The following CLTB variants were observed in gnomAD, a reference collection of about 807,000 sequenced individuals.
CLTB encodes clathrin light chain B, also known as clathrin, light chain (Lcb).
In CLTB, 10 loss-of-function variants were observed where a neutral mutation model predicts 30.5. The ratio of observed to expected loss-of-function variants is 0.33; its 90% CI spans 0.20 to 0.56. The LOEUF (loss-of-function observed/expected upper bound fraction) is 0.56, where lower values mean the gene tolerates loss of function less well. CLTB is among the 20% of genes least tolerant of loss of function. The pLI is 0.91. For missense variants in CLTB, 261 were observed against 308.3 expected (o/e 0.85, Z 1.15); for synonymous variants, 102 against 120.3 (o/e 0.85, Z 1.00).
At position 176,392,908 on chromosome 5, in the gene CLTB, C is replaced by T; in HGVS notation, c.556G>A (p.Glu186Lys). The change falls in exon 6 of 6, where the codon GAG (glutamate) becomes AAG (lysine). Residue 186 changes from glutamate to lysine, a missense_variant. Glu to Lys is a moderately conservative substitution (Grantham distance 56). Around this residue, in one of 3 missense-constraint regions of CLTB, gnomAD observed 123 missense variants for 157.0 expected, o/e 0.78. Coordinates refer to ENST00000310418, the MANE Select transcript of CLTB (RefSeq NM_007097.5). The surrounding 1 kb of genome is among the most constrained non-coding windows in gnomAD (Gnocchi z 5.2). ...TTCTCCCACTCTGTGCCTGGGGTCT[C>T]CTCCTTGGATTCCTTCACGAAAGCC... ...EEAFVKESKE[E>K]TPGTEWEKVA... 2 of 1,614,202 alleles carry T rather than the reference C, an allele frequency of 1.2e-6. No homozygotes were observed. Among genetic ancestry groups the T allele is most frequent in the Non-Finnish European group, 1.7e-6 (2 of 1,180,020 alleles).
intron 2 of CLTB, among the ~76,000 whole-genome samples, chr5:176,403,097 TG>T (rs1478599659): frequency 1.3e-5 from 2 of 150,424 alleles, no homozygotes; most frequent in Non-Finnish European, 3.0e-5. Context: ...TCGCCCAGGC[TG>T]GAGTGCAGTG....
intron 1 of CLTB, among the ~76,000 whole-genome samples, chr5:176,412,168 TC>T (rs1561802036): frequency 7.6e-6 from 1 of 130,994 alleles, no homozygotes; most frequent in Admixed American, 8.4e-5. Flanking sequence ...AGAGTGAGAC[TC>T]ATCTCAAAAA....
At chr5:176,411,513 C>T (rs960375109) in intron 1 of CLTB, among the ~76,000 whole-genome samples, 1 of 152,200 alleles carries the variant, frequency 6.6e-6, no homozygotes, top group African/African-American at 2.4e-5. Context: ...CACCCCCATC[C>T]ACCCCTTGGG....
intron 2 of CLTB, among the ~76,000 whole-genome samples, chr5:176,403,286 G>A (rs893662485): frequency 2.6e-5 from 4 of 152,090 alleles, no homozygotes; most frequent in Non-Finnish European, 4.4e-5. Flanking sequence ...CTGATCTCAG[G>A]TGATCCACCC....
chr5:176,394,511 A>G (rs1019928518), intron 5 of CLTB, among the ~76,000 whole-genome samples: 15 of 151,908 alleles, frequency 9.9e-5, no homozygotes, highest in African/African-American at 3.2e-4. Flanking sequence ...ATCTCTACTA[A>G]AAATACAAAA....
intron 2 of CLTB, among the ~76,000 whole-genome samples, chr5:176,402,081 T>C (rs112945977): frequency 0.029 from 4,406 of 152,266 alleles, 82 homozygotes; most frequent in Non-Finnish European, 0.045. Context: ...GGCAGGCAGA[T>C]TGCCTGAGCT....
chr5:176,415,703 G>T (rs115617396), intron 1 of CLTB, among the ~76,000 whole-genome samples: 2 of 152,166 alleles, frequency 1.3e-5, no homozygotes, highest in African/African-American at 4.8e-5. Context: ...AGCGACTGCC[G>T]AATGCCAGGC....
Position 176,398,034 on chromosome 5 carries a change from G to A in CLTB, c.248C>T (p.Pro83Leu). The change falls in exon 3 of 6, where the codon CCT (proline) becomes CTT (leucine). Residue 83 changes from proline (P) to leucine (L), a missense_variant. By Grantham distance (98) the Pro-to-Leu change is moderately conservative. This residue lies in a region of CLTB where 123 missense variants were observed against 157.0 expected (regional missense o/e 0.78). Transcript: ENST00000310418. Reference sequence around the variant, plus strand: ...GGCAATGGCTGCGTAGCCATCAGCAGGACCGTTGGCCTCCTAGAACACAAA... The same window carrying A: ...GGCAATGGCTGCGTAGCCATCAGCAAGACCGTTGGCCTCCTAGAACACAAA... Reference protein sequence around the residue: ...NGDVFQEANGPADGYAAIAQA... With the variant: ...NGDVFQEANGLADGYAAIAQA... The A allele has an allele frequency of 1.2e-6, 2 of 1,613,974 alleles. No homozygotes were observed. Among genetic ancestry groups the A allele is most frequent in the East Asian group, 2.2e-5 (1 of 44,876 alleles).
chr5:176,400,879 A>G (rs1013905172), intron 2 of CLTB, among the ~76,000 whole-genome samples: 3 of 152,116 alleles, frequency 2.0e-5, no homozygotes, highest in Non-Finnish European at 2.9e-5. Context: ...GCCAGCAGGC[A>G]CCCGGTTCAA....
At chr5:176,416,010 C>T (rs902226869) in intron 1 of CLTB, among the ~76,000 whole-genome samples, 167 bp downstream of exon 1, 2 of 152,234 alleles carry the variant, frequency 1.3e-5, no homozygotes, top group African/African-American at 4.8e-5. Context: ...GCCTCATCCC[C>T]AGCTCGGAAG....
chr5:176,406,051 CTCAT>C (rs1581439314), intron 2 of CLTB: 1 of 637,590 alleles, frequency 1.6e-6, no homozygotes, highest in Non-Finnish European at 2.0e-6. Flanking sequence ...GCAGTCACCA[CTCAT>C]TATTTCCGGG....
At chr5:176,407,114 C>G (rs1195353869) in intron 2 of CLTB, among the ~76,000 whole-genome samples, 1 of 152,116 alleles carries the variant, frequency 6.6e-6, no homozygotes, top group Non-Finnish European at 1.5e-5. Flanking sequence ...AAAGGAGGCC[C>G]CGGGCTCCTC....
At chr5:176,412,226 G>A (rs1010450545) in intron 1 of CLTB, among the ~76,000 whole-genome samples, 1 of 151,484 alleles carries the variant, frequency 6.6e-6, no homozygotes, top group Non-Finnish European at 1.5e-5. Context: ...ATTCTCCAAG[G>A]TCCAGCTCAT....
intron 4 of CLTB, among the ~76,000 whole-genome samples, chr5:176,397,223 C>T (rs1356812503): frequency 6.6e-6 from 1 of 152,166 alleles, no homozygotes; most frequent in Non-Finnish European, 1.5e-5. Context: ...ACAGGCCTTT[C>T]CCTTCCTGGA....
rs57355440 is a variant in CLTB, at chr5:176,394,545, C to T, written c.519-1600G>A. 6.1e-3 allele frequency among the ~76,000 whole-genome samples: 929 copies of T among 152,022 alleles called. 4 individuals carry two copies. Among genetic ancestry groups the T allele is most frequent in the African/African-American group, 0.011 (456 of 41,398 alleles). On this transcript the variant is annotated intron_variant, in intron 5 of 5. Coordinates refer to ENST00000310418, the MANE Select transcript of CLTB (RefSeq NM_007097.5). ...AAAATTAGCTGGGTGTGGCCAGGCG[C>T]GGTGGCTCATGCCTGTAATCCCAGC...
intron 5 of CLTB, among the ~76,000 whole-genome samples, chr5:176,394,594 G>A (rs1194495267): frequency 6.8e-6 from 1 of 148,074 alleles, no homozygotes; most frequent in Non-Finnish European, 1.5e-5. Flanking sequence ...AAGGTGGGCG[G>A]ATCACGAGGT....
At chr5:176,400,740 T>C (rs1338250566) in intron 2 of CLTB, among the ~76,000 whole-genome samples, 1 of 152,226 alleles carries the variant, frequency 6.6e-6, no homozygotes, top group Non-Finnish European at 1.5e-5. Context: ...CTTCCATGAC[T>C]GCCCGCGTTG....
chr5:176,394,639 C>T (rs1043868036), intron 5 of CLTB, among the ~76,000 whole-genome samples: 8 of 129,350 alleles, frequency 6.2e-5, no homozygotes, highest in African/African-American at 1.9e-4. Flanking sequence ...ACGGTGAAAC[C>T]CCGTCTCTAC....
At chr5:176,405,510 A>C (rs1487719388) in intron 2 of CLTB, 2 of 150,572 alleles carry the variant, frequency 1.3e-5, no homozygotes, top group Non-Finnish European at 3.0e-5. Flanking sequence ...AAAAAAAAAG[A>C]AAAAGAAAAA....
Sources: allele counts gnomAD v4.1 joint callset (sites outside exome capture counted in the v4.1 genomes callset), GRCh38; gene constraint gnomAD v4.1.1; regional missense constraint gnomAD v4.1.1; non-coding constraint Gnocchi (gnomAD v3.1); transcripts MANE v1.5; gene names NCBI Gene and HGNC (gene_info 2026-07-23, HGNC 2026-07-21).